The following CLIC5 variants were observed in gnomAD, a reference collection of about 807,000 sequenced individuals.
The protein encoded by CLIC5 is chloride intracellular channel protein 5.
Under a neutral mutation model 24.7 loss-of-function variants are expected in CLIC5, and 20 were observed. The ratio of observed to expected loss-of-function variants is 0.81; its 90% CI spans 0.57 to 1.18. The LOEUF (loss-of-function observed/expected upper bound fraction) is 1.18, where lower values mean the gene tolerates loss of function less well. Among genes scored for constraint, CLIC5 ranks in the 50% most tolerant of loss-of-function variants. The pLI is 0.00. For missense variants in CLIC5, 341 were observed against 326.1 expected (o/e 1.05, Z -0.35); for synonymous variants, 159 against 135.6 (o/e 1.17, Z -1.20).
intron 1 of CLIC5, among the ~76,000 whole-genome samples, chr6:45,959,547 T>C (rs2144164): frequency 0.098 from 11,087 of 112,578 alleles, 634 homozygotes; most frequent in African/African-American, 0.2. Context: ...TTGTTGTTGT[T>C]GTTGTTTTTG....
intron 1 of CLIC5, among the ~76,000 whole-genome samples, chr6:46,007,868 ATCT>A (rs768900157): frequency 6.1e-5 from 9 of 148,438 alleles, no homozygotes; most frequent in Middle Eastern, 3.6e-3. Context: ...TGGAATCCAG[ATCT>A]TCTTTCTTTT....
intron 1 of CLIC5, among the ~76,000 whole-genome samples, chr6:45,988,495 A>G (rs1340049827): frequency 6.6e-6 from 1 of 152,180 alleles, no homozygotes; most frequent in Non-Finnish European, 1.5e-5. Flanking sequence ...TGGGCCTCCT[A>G]TGGCCCAGTC....
chr6:46,105,351 G>A, the CLIC5 span, among the ~76,000 whole-genome samples: 1 of 152,100 alleles, frequency 6.6e-6, no homozygotes, highest in African/African-American at 2.4e-5. Context: ...TCAGAAGTCA[G>A]CTTCATTAAA....
chr6:45,914,649 A>T, intron 4 of CLIC5: 2 of 678,184 alleles, frequency 2.9e-6, no homozygotes, highest in Non-Finnish European at 3.9e-6. Flanking sequence ...CTTTGAAAAA[A>T]ATACATAAAT....
chr6:46,004,402 T>C (rs1766466370), intron 1 of CLIC5, among the ~76,000 whole-genome samples: 1 of 152,308 alleles, frequency 6.6e-6, no homozygotes, highest in Admixed American at 6.5e-5. Flanking sequence ...GTGGAAGTGA[T>C]TCGACCATGC....
chr6:45,894,461 A>C (rs1381759201), downstream of CLIC5, among the ~76,000 whole-genome samples: 3 of 152,230 alleles, frequency 2.0e-5, no homozygotes, highest in African/African-American at 7.2e-5. Flanking sequence ...AAACTGGTTA[A>C]ATGTATTGTA....
Position 46,015,661 on chromosome 6 carries a change from A to C in CLIC5, c.-119T>G. 1 of 1,316,748 alleles carries C rather than the reference A, an allele frequency of 7.6e-7. No homozygotes were observed. Among genetic ancestry groups the C allele is most frequent in the Non-Finnish European group, 9.8e-7 (1 of 1,024,570 alleles). The allele number at this position is 1,316,748 out of a possible 1,614,324, so 81.6% of individuals were successfully genotyped here. Reference sequence around the variant, plus strand: ...GGGCTCCTCTTCAGGGCGGTGTTTAATTTTTCACAAAACCATCTATTCTCC... The same window carrying C: ...GGGCTCCTCTTCAGGGCGGTGTTTACTTTTTCACAAAACCATCTATTCTCC... On this transcript the variant is annotated 5_prime_UTR_variant, in exon 1 of 6. Coordinates refer to ENST00000339561, the MANE Select transcript of CLIC5 (RefSeq NM_016929.5).
intron 1 of CLIC5, among the ~76,000 whole-genome samples, chr6:45,976,499 G>A (rs780729316): frequency 2.0e-5 from 3 of 152,262 alleles, no homozygotes; most frequent in African/African-American, 7.2e-5. Flanking sequence ...TTTCAGAAAA[G>A]AATTTGAAGG....
chr6:46,034,709 G>A (rs887254594), intron 1 of CLIC5, among the ~76,000 whole-genome samples: 5 of 152,210 alleles, frequency 3.3e-5, no homozygotes, highest in Non-Finnish European at 7.3e-5. Flanking sequence ...GGACAGTTCC[G>A]TGTAAGCTTG....
chr6:45,920,538 T>G, intron 4 of CLIC5: 1 of 367,574 alleles, frequency 2.7e-6, no homozygotes, highest in Non-Finnish European at 3.8e-6. Flanking sequence ...CATCACATAT[T>G]TTTGAAGAGA....
intron 1 of CLIC5, among the ~76,000 whole-genome samples, chr6:45,966,002 G>T (rs1765005195): frequency 6.6e-6 from 1 of 152,138 alleles, no homozygotes; most frequent in Non-Finnish European, 1.5e-5. Context: ...TTACTCATCT[G>T]CCCTTCTGTT....
intron 1 of CLIC5, among the ~76,000 whole-genome samples, chr6:45,974,497 G>A (rs112458948): frequency 0.087 from 6,656 of 76,180 alleles, 711 homozygotes; most frequent in African/African-American, 0.22. Flanking sequence ...GTGTGTGTGT[G>A]TATATATATA....
At chr6:46,087,905 G>T in the CLIC5 span, among the ~76,000 whole-genome samples, 1 of 152,112 alleles carries the variant, frequency 6.6e-6, no homozygotes, top group Admixed American at 6.6e-5. Flanking sequence ...GAATAAACGA[G>T]CTGCATATTT....
chr6:45,907,228 TG>T (rs1762685595), intron 5 of CLIC5, among the ~76,000 whole-genome samples: 1 of 152,244 alleles, frequency 6.6e-6, no homozygotes, highest in South Asian at 2.1e-4. Flanking sequence ...TGAAGGTTTT[TG>T]TCATGAAGGG....
chr6:45,928,568 C>T (rs1763594940), intron 4 of CLIC5, among the ~76,000 whole-genome samples: 2 of 152,218 alleles, frequency 1.3e-5, no homozygotes, highest in South Asian at 4.1e-4. Context: ...CCCATGGACA[C>T]ACTATTGTAC....
intron 1 of CLIC5, among the ~76,000 whole-genome samples, chr6:46,079,266 A>G (rs1482803668): frequency 6.6e-6 from 1 of 152,210 alleles, no homozygotes; most frequent in East Asian, 1.9e-4. Flanking sequence ...GATAGCCTTT[A>G]TTGACCACCT....
At chr6:46,081,258 C>G (rs1468908284), upstream of CLIC5, among the ~76,000 whole-genome samples, 1 of 152,204 alleles carries the variant, frequency 6.6e-6, no homozygotes, top group Non-Finnish European at 1.5e-5. Flanking sequence ...ATCTGGTACT[C>G]TATCCTGCTA....
the CLIC5 span, among the ~76,000 whole-genome samples, chr6:46,121,211 C>T: frequency 1.3e-5 from 2 of 152,162 alleles, no homozygotes; most frequent in African/African-American, 4.8e-5. Flanking sequence ...AAGGGAAGCC[C>T]ATCAGACTAA....
chr6:46,019,555 G>A (rs1175292124), upstream of CLIC5, among the ~76,000 whole-genome samples: 29 of 150,424 alleles, frequency 1.9e-4, no homozygotes, highest in Admixed American at 5.3e-4. Flanking sequence ...GCGCGGTGGC[G>A]GGCGCCTGTA....
Sources: allele counts gnomAD v4.1 joint callset (sites outside exome capture counted in the v4.1 genomes callset), GRCh38; gene constraint gnomAD v4.1.1; transcripts MANE v1.5; gene names NCBI Gene and HGNC (gene_info 2026-07-23, HGNC 2026-07-21).